Variants in CDH12 observed in about 807,000 individuals in gnomAD.
The protein encoded by CDH12 is cadherin 12.
A neutral mutation model predicts 74.1 loss-of-function variants in CDH12; 41 were observed. The ratio of observed to expected loss-of-function variants is 0.55; its 90% CI spans 0.43 to 0.72. The LOEUF (loss-of-function observed/expected upper bound fraction) is 0.72. Ranked by LOEUF, CDH12 falls within the 30% of genes least tolerant of loss-of-function variation. The pLI is 0.00. For synonymous variants in CDH12, 399 were observed against 355.0 expected, an observed-to-expected ratio of 1.12 and a Z score of -1.39; for missense variants, 945 against 977.2, an observed-to-expected ratio of 0.97 and a Z score of 0.44.
chr5:22,380,570 GAATT>G (rs1407801364), intron 3 of CDH12, among the ~76,000 whole-genome samples: 1 of 151,670 alleles, frequency 6.6e-6, no homozygotes, highest in Non-Finnish European at 1.5e-5. Context: ...TTTCATAATA[GAATT>G]AATTATTTTG....
intron 3 of CDH12, among the ~76,000 whole-genome samples, chr5:22,257,778 G>A (rs1053118314): frequency 1.3e-5 from 2 of 152,000 alleles, no homozygotes; most frequent in Non-Finnish European, 1.5e-5. Flanking sequence ...TTACAGGCGT[G>A]AGCCACGACA....
chr5:22,687,964 TG>T (rs1487922178), intron 1 of CDH12, among the ~76,000 whole-genome samples: 2 of 152,178 alleles, frequency 1.3e-5, no homozygotes, highest in African/African-American at 2.4e-5. Flanking sequence ...TAGGATATTG[TG>T]CATTTTTGAA....
chr5:22,568,178 C>T (rs951081009), intron 1 of CDH12, among the ~76,000 whole-genome samples: 18 of 152,102 alleles, frequency 1.2e-4, no homozygotes, highest in African/African-American at 4.3e-4. Context: ...CCTTAGAATG[C>T]CTGAAATTCT....
intron 1 of CDH12, among the ~76,000 whole-genome samples, chr5:22,620,469 A>G (rs1194157968): frequency 6.6e-6 from 1 of 152,116 alleles, no homozygotes. Context: ...CACATGGAAA[A>G]GAATTATAAT....
chr5:22,366,045 G>A (rs1741018025), intron 3 of CDH12, among the ~76,000 whole-genome samples: 1 of 152,002 alleles, frequency 6.6e-6, no homozygotes, highest in Admixed American at 6.6e-5. Flanking sequence ...TGCAACCCCT[G>A]CCTCTCAGGT....
At chr5:22,655,420 A>G (rs891595719) in intron 1 of CDH12, among the ~76,000 whole-genome samples, 2 of 152,194 alleles carry the variant, frequency 1.3e-5, no homozygotes, top group African/African-American at 4.8e-5. Context: ...CATAGCACTC[A>G]AAATATTCAT....
chr5:22,785,320 T>C (rs1747569124), intron 1 of CDH12, among the ~76,000 whole-genome samples: 1 of 152,190 alleles, frequency 6.6e-6, no homozygotes, highest in Admixed American at 6.5e-5. Flanking sequence ...AGAAGACCAG[T>C]ATGATAAGTT....
At chr5:22,156,402 C>A (rs577526757) in intron 4 of CDH12, among the ~76,000 whole-genome samples, 3 of 152,014 alleles carry the variant, frequency 2.0e-5, no homozygotes, top group Non-Finnish European at 4.4e-5. Flanking sequence ...TATTATTGAA[C>A]AATGTTTGCC....
intron 3 of CDH12, among the ~76,000 whole-genome samples, chr5:22,289,307 C>T (rs1231541543): frequency 6.6e-6 from 1 of 152,058 alleles, no homozygotes; most frequent in Non-Finnish European, 1.5e-5. Context: ...AGAAATACTG[C>T]CAATCCTGGA....
At chr5:22,830,441 CTTGAG>C (rs980507823) in intron 1 of CDH12, among the ~76,000 whole-genome samples, 8 of 151,918 alleles carry the variant, frequency 5.3e-5, no homozygotes, top group South Asian at 2.1e-4. Context: ...AGAGTATTGA[CTTGAG>C]TTATCTGGAT....
At chr5:21,881,893 A>G (rs576048488) in intron 6 of CDH12, among the ~76,000 whole-genome samples, 1 of 152,280 alleles carries the variant, frequency 6.6e-6, no homozygotes, top group Admixed American at 6.5e-5. Context: ...ATCTAGCACC[A>G]TTGTAATTCA....
At chr5:22,845,969 G>C (rs924791854) in intron 1 of CDH12, among the ~76,000 whole-genome samples, 1 of 152,044 alleles carries the variant, frequency 6.6e-6, no homozygotes. Context: ...AGGTGACTGT[G>C]GTATAGGAAG....
intron 4 of CDH12, among the ~76,000 whole-genome samples, chr5:22,211,339 C>T (rs561277655): frequency 1.2e-4 from 19 of 152,112 alleles, no homozygotes; most frequent in South Asian, 1.0e-3. Context: ...CAGTATTATA[C>T]GTGATATTTT....
intron 6 of CDH12, among the ~76,000 whole-genome samples, chr5:21,940,318 T>C (rs1262894876): frequency 6.6e-6 from 1 of 152,174 alleles, no homozygotes; most frequent in African/African-American, 2.4e-5. Flanking sequence ...CTTCCTTTGG[T>C]CTTTGGATAT....
intron 1 of CDH12, among the ~76,000 whole-genome samples, chr5:22,839,200 TATC>T (rs1229084409): frequency 2.0e-5 from 3 of 152,166 alleles, no homozygotes; most frequent in Admixed American, 6.5e-5. Flanking sequence ...AGGGGTTAAA[TATC>T]ATACAACAAC....
At chr5:22,639,695 C>T (rs1456762159) in intron 1 of CDH12, among the ~76,000 whole-genome samples, 2 of 152,012 alleles carry the variant, frequency 1.3e-5, no homozygotes, top group African/African-American at 4.8e-5. Context: ...TTATTTTTAC[C>T]TGGTAAACTC....
In CDH12 at chr5:21,806,127, AG is replaced by A. The variant is rs371055036; in HGVS notation, c.1003-3708del. 2.0e-4 allele frequency among the ~76,000 whole-genome samples: 31 copies of A among 152,290 alleles called. No individual in the cohort carries two copies. In the East Asian group the frequency reaches 4.8e-3, roughly 24 times the overall value. On this transcript the variant is annotated intron_variant, in intron 9 of 14. Coordinates refer to ENST00000382254, the MANE Select transcript of CDH12 (RefSeq NM_004061.5). The stretch of plus-strand genomic sequence containing the variant: ...AGAGACTCAAGGGAGGAATTGGGGA[AG>A]GGGGGAATTTTGCTTCTTTGTTTTT...
intron 3 of CDH12, among the ~76,000 whole-genome samples, chr5:22,318,751 A>G (rs1249245456): frequency 6.6e-6 from 1 of 152,158 alleles, no homozygotes; most frequent in Admixed American, 6.5e-5. Context: ...TCCAAACATG[A>G]CATGCTTGTA....
intron 1 of CDH12, among the ~76,000 whole-genome samples, chr5:22,791,040 C>G (rs1747879574): frequency 6.6e-6 from 1 of 152,162 alleles, no homozygotes; most frequent in Admixed American, 6.5e-5. Context: ...CAAGATTATA[C>G]AGGCTGATGG....
Sources: gnomAD v4.1 joint callset for allele counts (sites outside exome capture counted in the v4.1 genomes callset) on GRCh38, gnomAD v4.1.1 for gene constraint, MANE v1.5 for transcripts, NCBI Gene and HGNC (gene_info 2026-07-23, HGNC 2026-07-21) for gene names.